CDIN1: variants seen among roughly 807,000 people sequenced by gnomAD.
CDIN1 encodes the protein CDAN1-interacting nuclease 1.
CDIN1 carries 33 observed loss-of-function variants against 45.3 expected under a neutral mutation model. The ratio of observed to expected loss-of-function variants is 0.73; its 90% CI spans 0.55 to 0.97. The LOEUF is 0.97. CDIN1 is among the 50% of genes least tolerant of loss of function. The pLI is 0.00. For synonymous variants in CDIN1, 118 were observed against 124.4 expected, an observed-to-expected ratio of 0.95 and a Z score of 0.34; for missense variants, 303 against 339.4, an observed-to-expected ratio of 0.89 and a Z score of 0.84.
At chr15:36,628,709 A>T (rs902841256) in intron 1 of CDIN1, among the ~76,000 whole-genome samples, 1 of 152,146 alleles carries the variant, frequency 6.6e-6, no homozygotes, top group Non-Finnish European at 1.5e-5. Context: ...TGAATCTTTA[A>T]GGCCAGAGGG....
intron 1 of CDIN1, among the ~76,000 whole-genome samples, chr15:36,583,341 C>T (rs1206864975): frequency 6.6e-6 from 1 of 151,938 alleles, no homozygotes; most frequent in Non-Finnish European, 1.5e-5. Flanking sequence ...AATTTTTTCT[C>T]CAGCTTAATT....
intron 1 of CDIN1, among the ~76,000 whole-genome samples, chr15:36,584,171 G>A (rs969613591): frequency 6.6e-6 from 1 of 152,198 alleles, no homozygotes; most frequent in Non-Finnish European, 1.5e-5. Context: ...AAATCTAAGA[G>A]TATGTGTTTG....
intron 7 of CDIN1, among the ~76,000 whole-genome samples, chr15:36,696,965 A>AAAG (rs967714751): frequency 1.3e-5 from 2 of 150,604 alleles, no homozygotes; most frequent in African/African-American, 4.9e-5. Flanking sequence ...AAAAAAAAAA[A>AAAG]AAAAAATTAC....
At chr15:36,709,809 A>G in intron 9 of CDIN1, 47 bp from the exon 10 acceptor site, 1 of 1,504,940 alleles carries the variant, frequency 6.6e-7, no homozygotes, top group Non-Finnish European at 9.2e-7. Flanking sequence ...CAGAATTTTC[A>G]ATCTTCCCCT....
chr15:36,808,354 T>A lies in CDIN1; in HGVS notation c.747T>A (p.Tyr249Ter), dbSNP rs1396543991. 1.2e-6 allele frequency: 2 copies of A among 1,613,498 alleles called. No homozygotes were observed. Among genetic ancestry groups the A allele is most frequent in the African/African-American group, 2.7e-5 (2 of 74,902 alleles). The change falls in exon 11 of 11, where the codon TAT (tyrosine) becomes TAA (stop). Residue 249 changes from tyrosine (Y) to a stop codon, truncating the protein, a stop_gained. Transcript: ENST00000566621. LOFTEE classifies it high-confidence loss of function. ...RFGPGLVIYW[Y>*]GFIQELDCNR... ...GGCCAGGCTTAGTCATCTATTGGTA[T>A]GGATTTATCCAGGAGCTGGACTGCA... is the stretch of plus-strand genomic sequence containing the variant.
At chr15:36,676,675 A>G (rs1331065857) in intron 5 of CDIN1, among the ~76,000 whole-genome samples, 2 of 152,126 alleles carry the variant, frequency 1.3e-5, no homozygotes, top group Admixed American at 6.6e-5. Context: ...CTTTGCTGCC[A>G]TGAACTTTCT....
At chr15:36,799,006 C>CAATT (rs1182407715) in intron 10 of CDIN1, 3 of 152,196 alleles carry the variant, frequency 2.0e-5, no homozygotes, top group African/African-American at 7.2e-5. Flanking sequence ...GTTGTCATAT[C>CAATT]AATTATAAAT....
intron 5 of CDIN1, among the ~76,000 whole-genome samples, chr15:36,664,706 T>C (rs971752449): frequency 1.3e-5 from 2 of 151,884 alleles, no homozygotes; most frequent in East Asian, 1.9e-4. Context: ...ACCACCACGC[T>C]TGGCTAATTT....
At chr15:36,769,994 A>G (rs2054027508) in intron 10 of CDIN1, among the ~76,000 whole-genome samples, 1 of 152,010 alleles carries the variant, frequency 6.6e-6, no homozygotes, top group Non-Finnish European at 1.5e-5. Context: ...GACATAACCC[A>G]TTTTCTTTTC....
At chr15:36,741,950 C>G (rs886500318) in intron 10 of CDIN1, among the ~76,000 whole-genome samples, 3 of 152,078 alleles carry the variant, frequency 2.0e-5, no homozygotes, top group Admixed American at 2.0e-4. Flanking sequence ...AGGGCTGTCT[C>G]CGTGGTTTGG....
chr15:36,711,537 A>G (rs1486521413), intron 10 of CDIN1, among the ~76,000 whole-genome samples: 1 of 152,212 alleles, frequency 6.6e-6, no homozygotes, highest in Non-Finnish European at 1.5e-5. Flanking sequence ...TCTGTGTGAT[A>G]GATAATTTAA....
At chr15:36,664,597 A>G (rs1186467103) in intron 5 of CDIN1, among the ~76,000 whole-genome samples, 2 of 151,898 alleles carry the variant, frequency 1.3e-5, no homozygotes, top group Non-Finnish European at 2.9e-5. Flanking sequence ...GCCAGGCTGG[A>G]GTGCAGTGGC....
At chr15:36,581,902 A>G (rs1197130544) in intron 1 of CDIN1, among the ~76,000 whole-genome samples, 1 of 152,248 alleles carries the variant, frequency 6.6e-6, no homozygotes, top group Non-Finnish European at 1.5e-5. Flanking sequence ...ATCATCGTGC[A>G]TTATTCCTTT....
chr15:36,618,208 C>G, intron 1 of CDIN1: 1 of 677,968 alleles, frequency 1.5e-6, no homozygotes, highest in Non-Finnish European at 2.7e-6. Flanking sequence ...AAAAAAAAAC[C>G]TGAAGCCTCA....
intron 1 of CDIN1, among the ~76,000 whole-genome samples, chr15:36,639,375 GTGGGGGA>G (rs1335029908): frequency 9.0e-6 from 1 of 110,570 alleles, no homozygotes; most frequent in East Asian, 2.3e-4. Flanking sequence ...GGAGGCCAAG[GTGGGGGA>G]TCACTTGAGG....
chr15:36,666,651 T>A (rs1051618029), intron 5 of CDIN1, among the ~76,000 whole-genome samples: 1 of 152,332 alleles, frequency 6.6e-6, no homozygotes, highest in Admixed American at 6.5e-5. Context: ...AAAGTACTTA[T>A]GCACTTTCAG....
intron 10 of CDIN1, among the ~76,000 whole-genome samples, chr15:36,748,462 T>C (rs906320192): frequency 2.6e-5 from 4 of 152,158 alleles, no homozygotes; most frequent in Non-Finnish European, 5.9e-5. Flanking sequence ...ACTAACAAAC[T>C]GTCTCCTTGC....
intron 5 of CDIN1, among the ~76,000 whole-genome samples, chr15:36,688,111 C>T (rs1293756410): frequency 6.6e-6 from 1 of 151,462 alleles, no homozygotes; most frequent in Admixed American, 6.6e-5. Context: ...GTGGCAAACT[C>T]AAAGTGGGAA....
intron 1 of CDIN1, among the ~76,000 whole-genome samples, chr15:36,581,309 C>G (rs1213369549): frequency 6.6e-6 from 1 of 151,904 alleles, no homozygotes; most frequent in Non-Finnish European, 1.5e-5. Context: ...TTTTTTTTCT[C>G]TTCCTCTCCC....
Sources: allele counts gnomAD v4.1 joint callset (sites outside exome capture counted in the v4.1 genomes callset), GRCh38; gene constraint gnomAD v4.1.1; transcripts MANE v1.5; gene names NCBI Gene and HGNC (gene_info 2026-07-23, HGNC 2026-07-21).